Variants in GREB1 observed in about 807,000 individuals in gnomAD.
GREB1 encodes protein GREB1.
A neutral mutation model predicts 200.7 loss-of-function variants in GREB1; 106 were observed. The ratio of observed to expected loss-of-function variants is 0.53; its 90% CI spans 0.45 to 0.62. The LOEUF (loss-of-function observed/expected upper bound fraction) is 0.62. GREB1 is among the 20% of genes least tolerant of loss of function. The pLI, the probability that GREB1 is intolerant of heterozygous loss-of-function variation, is 0.00. For synonymous variants in GREB1, 1,132 were observed against 1,092.4 expected (o/e 1.04, Z -0.72); for missense variants, 2,243 against 2,556.8 (o/e 0.88, Z 2.65).
intron 2 of GREB1, among the ~76,000 whole-genome samples, chr2:11,558,617 C>T: frequency 6.6e-6 from 1 of 152,282 alleles, no homozygotes; most frequent in Non-Finnish European, 1.5e-5. Flanking sequence ...GCTGATGGGG[C>T]TGGTGGGAAG....
chr2:11,483,265 T>G (rs914193121), intron 1 of GREB1, among the ~76,000 whole-genome samples: 5 of 145,722 alleles, frequency 3.4e-5, no homozygotes, highest in African/African-American at 1.3e-4. Flanking sequence ...TGTGTGCACG[T>G]GTGTGCGTGT....
chr2:11,618,556 CTCA>C lies in GREB1; in HGVS notation c.3684_3686del (p.Ser1232del). 6.2e-7 allele frequency: 1 copy of C among 1,612,802 alleles called. No individual in the cohort carries two copies. Among genetic ancestry groups the C allele is most frequent in the Middle Eastern group, 1.7e-4 (1 of 6,058 alleles). On this transcript the variant is annotated inframe_deletion, in exon 22 of 33. Transcript: ENST00000381486. ...GCTCCCAGCTGTCCTCCTCCTCGGG[CTCA>C]TCCTCCTCATCCGTGGCGCCCGCTG...
chr2:11,592,734 G>A (rs765312521), intron 10 of GREB1, 42 bp from the exon 11 acceptor site: 6 of 1,330,362 alleles, frequency 4.5e-6, no homozygotes, highest in East Asian at 5.5e-5. Context: ...CCCGGATGCC[G>A]CTGGCATTTG....
rs532672044 is a variant in GREB1, at chr2:11,627,657, A to G, written c.4449+553A>G. ...ATCAGTCTCTCCCAACCTTTTATGC[A>G]ATAGAAAATATTTATCCTGGACACA... On this transcript the variant is annotated intron_variant, in intron 25 of 32. Coordinates refer to ENST00000381486, the MANE Select transcript of GREB1 (RefSeq NM_014668.4). 2.0e-5 allele frequency among the ~76,000 whole-genome samples: 3 copies of G among 152,354 alleles called. No individual in the cohort carries two copies. The South Asian group carries it at 6.2e-4, about 32-fold the overall frequency.
chr2:11,607,475 C>T (rs924902511), intron 17 of GREB1, among the ~76,000 whole-genome samples: 1 of 146,612 alleles, frequency 6.8e-6, no homozygotes, highest in Non-Finnish European at 1.5e-5. Flanking sequence ...TATATATACA[C>T]ACACATACAT....
chr2:11,589,883 G>GT (rs939457374), intron 10 of GREB1, among the ~76,000 whole-genome samples: 2 of 152,166 alleles, frequency 1.3e-5, no homozygotes, highest in Non-Finnish European at 2.9e-5. Flanking sequence ...CTGTCTTGGC[G>GT]TGAGTTTGTA....
intron 3 of GREB1, among the ~76,000 whole-genome samples, chr2:11,564,922 G>T (rs1043761702): frequency 6.6e-6 from 1 of 152,226 alleles, no homozygotes; most frequent in Admixed American, 6.5e-5. Context: ...GAGAGCTGGT[G>T]TGGGGAAACT....
chr2:11,533,891 C>G (rs1220305902), upstream of GREB1, among the ~76,000 whole-genome samples: 1 of 152,108 alleles, frequency 6.6e-6, no homozygotes, highest in Non-Finnish European at 1.5e-5. Context: ...ATATGTGTTC[C>G]TAAAAATTAT....
chr2:11,636,793 GGC>G (rs1348888360), intron 30 of GREB1, among the ~76,000 whole-genome samples: 146 of 86,394 alleles, frequency 1.7e-3, no homozygotes, highest in African/African-American at 4.6e-3. Context: ...CACGGGCATG[GGC>G]AGGGGCAGAG....
At chr2:11,631,305 A>G (rs964039553) in intron 26 of GREB1, among the ~76,000 whole-genome samples, 1 of 152,236 alleles carries the variant, frequency 6.6e-6, no homozygotes, top group African/African-American at 2.4e-5. Flanking sequence ...GCTAAGCTCT[A>G]TGGGGCAGTG....
chr2:11,494,495 T>C (rs187357306), intron 1 of GREB1, among the ~76,000 whole-genome samples: 1 of 152,362 alleles, frequency 6.6e-6, no homozygotes, highest in Admixed American at 6.5e-5. Flanking sequence ...GCTCTAGAGT[T>C]GTTCTCGTAA....
In GREB1 at chr2:11,493,148, A is replaced by T. The variant is rs561793676; in HGVS notation, c.-159+10767A>T. ...TGGTTAAACAATAAGCCTCCACTTC[A>T]TGTTGTCCATAGGCTTGTGGAAACT... is the stretch of plus-strand genomic sequence containing the variant. On this transcript the variant is annotated intron_variant, in intron 1 of 2. Coordinates refer to the GREB1 transcript ENST00000628795. This position sits in a 1 kb window ranked among gnomAD's most constrained non-coding sequence, Gnocchi z 4.6. 6.6e-6 allele frequency among the ~76,000 whole-genome samples: 1 copy of T among 152,294 alleles called. No homozygotes were observed. Among genetic ancestry groups the T allele is most frequent in the East Asian group, 1.9e-4 (1 of 5,192 alleles).
chr2:11,642,614 CATT>C lies in GREB1; in HGVS notation c.*2164_*2166del, dbSNP rs753026682. ...TATAAAATGATTACTTTGTATATCT[CATT>C]ATTCCTATTTTGGAATAAAAACTGA... On this transcript the variant is annotated 3_prime_UTR_variant, in exon 33 of 33. Transcript: ENST00000381486. 6 of 152,166 alleles carry C rather than the reference CATT, an allele frequency of 3.9e-5. No individual in the cohort carries two copies. Among genetic ancestry groups the C allele is most frequent in the Non-Finnish European group, 2.9e-5 (2 of 68,030 alleles). 9.4% of individuals were successfully genotyped at this position (152,166 alleles called of 1,614,324 possible). A position where few individuals can be genotyped will look rare whatever the true frequency, so the allele number is the denominator to read the frequency against.
intron 4 of GREB1, among the ~76,000 whole-genome samples, chr2:11,571,771 C>T (rs774785712): frequency 4.6e-5 from 7 of 151,662 alleles, no homozygotes; most frequent in Admixed American, 1.3e-4. Context: ...AGTGCAGTGG[C>T]GCGATGTCGG....
At chr2:11,498,778 G>C (rs1672953988) in intron 1 of GREB1, among the ~76,000 whole-genome samples, 1 of 152,242 alleles carries the variant, frequency 6.6e-6, no homozygotes. Context: ...GCACGGGCAT[G>C]ACTGGGCTGG....
At chr2:11,558,271 C>G (rs973999812) in intron 2 of GREB1, among the ~76,000 whole-genome samples, 5 of 152,160 alleles carry the variant, frequency 3.3e-5, no homozygotes, top group Non-Finnish European at 5.9e-5. Flanking sequence ...GTAGAAAGCC[C>G]TTTGAGGATT....
chr2:11,635,197 T>C, intron 29 of GREB1, 73 bp from the exon 30 acceptor site: 13 of 1,580,896 alleles, frequency 8.2e-6, no homozygotes, highest in Middle Eastern at 1.7e-4. Flanking sequence ...ACCCACACTC[T>C]AGGTGCTGGG....
chr2:11,617,030 C>A (rs917758420), intron 21 of GREB1, among the ~76,000 whole-genome samples: 4 of 152,176 alleles, frequency 2.6e-5, no homozygotes, highest in Non-Finnish European at 4.4e-5. Flanking sequence ...GGGGCGGGTC[C>A]CCGGGTGTTC....
At chr2:11,501,582 C>T (rs1213500206) in intron 1 of GREB1, among the ~76,000 whole-genome samples, 3 of 151,946 alleles carry the variant, frequency 2.0e-5, no homozygotes, top group Non-Finnish European at 4.4e-5. Flanking sequence ...TTAGTAGAGA[C>T]GGCGTTTCAC....
Sources: gnomAD v4.1 joint callset for allele counts (sites outside exome capture counted in the v4.1 genomes callset) on GRCh38, gnomAD v4.1.1 for gene constraint, Gnocchi (gnomAD v3.1) non-coding constraint, MANE v1.5 for transcripts, NCBI Gene and HGNC (gene_info 2026-07-23, HGNC 2026-07-21) for gene names.